PCSK6: variants seen among roughly 807,000 people sequenced by gnomAD.
PCSK6 encodes the protein proprotein convertase subtilisin/kexin type 6, also known as paired basic amino acid cleaving enzyme 4.
A neutral mutation model predicts 123.3 loss-of-function variants in PCSK6; 85 were observed. That is an observed-to-expected ratio of 0.69 (90% confidence interval 0.58 to 0.83). The LOEUF is 0.83. Ranked by LOEUF, PCSK6 falls within the 40% of genes least tolerant of loss-of-function variation. The pLI is 0.00. For synonymous variants in PCSK6, 508 were observed against 516.0 expected (o/e 0.98, Z 0.21); for missense variants, 1,191 against 1,282.3 (o/e 0.93, Z 1.09).
intron 13 of PCSK6, among the ~76,000 whole-genome samples, chr15:101,361,442 C>T (rs1232062308): frequency 2.0e-5 from 3 of 152,096 alleles, no homozygotes; most frequent in Non-Finnish European, 4.4e-5. Context: ...GTGGGTAGGA[C>T]ATCCACCACA....
intron 1 of PCSK6, among the ~76,000 whole-genome samples, chr15:101,462,104 A>T (rs1163157589): frequency 1.3e-5 from 2 of 152,238 alleles, no homozygotes; most frequent in African/African-American, 4.8e-5. Flanking sequence ...TACATAAAAA[A>T]TAGACAAATT....
rs757828585 is a variant in PCSK6, at chr15:101,393,392, C to A, written c.1029G>T (p.Trp343Cys). 1.9e-6 allele frequency: 3 copies of A among 1,602,624 alleles called. No homozygotes were observed. In the African/African-American group the frequency reaches 4.0e-5, roughly 22 times the overall value. Residue 343 changes from tryptophan (W) to cysteine (C), a missense_variant, in exon 8 of 22, where the codon TGG becomes TGT. This residue lies in a region of PCSK6 where 357 missense variants were observed against 484.5 expected (regional missense o/e 0.74). Transcript: ENST00000611716. ...GRQGLGSIFV[W>C]ASGNGGREGD... ...CCTCTCTCCCGCCATTCCCAGATGC[C>A]CAGACGAAAATGGAGCCCAGGCCCT...
At chr15:101,357,196 T>C (rs1245053161) in intron 13 of PCSK6, among the ~76,000 whole-genome samples, 1 of 152,212 alleles carries the variant, frequency 6.6e-6, no homozygotes, top group Admixed American at 6.5e-5. Flanking sequence ...AAGTGAGGAC[T>C]GCCTGCTTTT....
At chr15:101,480,980 T>C (rs910077357) in intron 1 of PCSK6, among the ~76,000 whole-genome samples, 3 of 152,202 alleles carry the variant, frequency 2.0e-5, no homozygotes, top group African/African-American at 7.2e-5. Flanking sequence ...CTTAAGACTC[T>C]TGCAAGGCAG....
intron 6 of PCSK6, among the ~76,000 whole-genome samples, chr15:101,424,843 T>A (rs1017215820): frequency 6.6e-6 from 1 of 152,224 alleles, no homozygotes; most frequent in African/African-American, 2.4e-5. Context: ...ATATGCATGA[T>A]AACAGGGATA....
intron 9 of PCSK6, among the ~76,000 whole-genome samples, chr15:101,389,202 T>C (rs1435315507): frequency 6.6e-6 from 1 of 152,192 alleles, no homozygotes; most frequent in East Asian, 1.9e-4. Context: ...TTCTGTTGTT[T>C]GAGCTGCCCA....
chr15:101,450,394 C>A (rs999254589), intron 1 of PCSK6, among the ~76,000 whole-genome samples: 2 of 152,176 alleles, frequency 1.3e-5, no homozygotes, highest in African/African-American at 2.4e-5. Context: ...CCCCTCAACT[C>A]CTACTCTGCT....
intron 1 of PCSK6, among the ~76,000 whole-genome samples, chr15:101,485,420 A>C (rs1296179854): frequency 1.3e-5 from 2 of 152,136 alleles, no homozygotes; most frequent in Non-Finnish European, 2.9e-5. Context: ...TTTACATAGA[A>C]TTTTTATCTT....
chr15:101,373,349 T>C (rs890887422), intron 11 of PCSK6, among the ~76,000 whole-genome samples: 1 of 152,216 alleles, frequency 6.6e-6, no homozygotes, highest in African/African-American at 2.4e-5. Context: ...CAAGGCTAAC[T>C]GTAACAATTA....
At chr15:101,378,213 T>A (rs2041808198) in intron 11 of PCSK6, among the ~76,000 whole-genome samples, 1 of 152,248 alleles carries the variant, frequency 6.6e-6, no homozygotes. Flanking sequence ...TAAAATCATT[T>A]TGCACAGGCA....
intron 1 of PCSK6, among the ~76,000 whole-genome samples, chr15:101,458,643 G>A (rs1023698655): frequency 6.6e-6 from 1 of 152,076 alleles, no homozygotes; most frequent in Non-Finnish European, 1.5e-5. Flanking sequence ...GCGACTGACG[G>A]TCCCAAAGGC....
intron 15 of PCSK6, among the ~76,000 whole-genome samples, chr15:101,329,871 GC>G (rs1454394120): frequency 6.6e-6 from 1 of 152,148 alleles, no homozygotes; most frequent in African/African-American, 2.4e-5. Context: ...CCTGCCTCCT[GC>G]CCCCATCCTC....
intron 6 of PCSK6, among the ~76,000 whole-genome samples, chr15:101,409,185 C>T (rs998602593): frequency 3.9e-5 from 6 of 152,172 alleles, no homozygotes; most frequent in Admixed American, 6.5e-5. Flanking sequence ...AGGCTGAGCG[C>T]GGGGGCTCAT....
intron 13 of PCSK6, among the ~76,000 whole-genome samples, chr15:101,362,163 G>A (rs2005063): frequency 0.74 from 112,758 of 151,846 alleles, 42,004 homozygotes; most frequent in African/African-American, 0.79. Flanking sequence ...TCACCATGTT[G>A]GCCAGGATGG....
intron 13 of PCSK6, chr15:101,347,804 C>G: frequency 6.3e-7 from 1 of 1,586,794 alleles, no homozygotes; most frequent in South Asian, 1.1e-5. Context: ...TGAAGTGAAG[C>G]CCATGGGCTG....
At chr15:101,376,239 C>T (rs750461766) in intron 11 of PCSK6, among the ~76,000 whole-genome samples, 9 of 152,080 alleles carry the variant, frequency 5.9e-5, no homozygotes, top group Non-Finnish European at 1.3e-4. Flanking sequence ...ACTGTAGGTG[C>T]AAACCACCAT....
intron 18 of PCSK6, 66 bp from the exon 19 acceptor site, chr15:101,318,488 G>T (rs1207159418): frequency 3.8e-6 from 5 of 1,300,022 alleles, no homozygotes; most frequent in Non-Finnish European, 5.4e-6. Flanking sequence ...TTGCCCTCTA[G>T]CACCTTTCCC....
chr15:101,431,213 T>C (rs2056435112), intron 4 of PCSK6, 107 bp downstream of exon 4: 1 of 1,162,484 alleles, frequency 8.6e-7, no homozygotes, highest in African/African-American at 1.5e-5. Context: ...CTGCCTAACT[T>C]AATGGGGGCT....
intron 10 of PCSK6, among the ~76,000 whole-genome samples, chr15:101,383,214 C>G (rs547915043): frequency 2.3e-4 from 35 of 152,122 alleles, no homozygotes; most frequent in African/African-American, 8.0e-4. Flanking sequence ...CGAGACCAGC[C>G]TGGGCAACAC....
Sources: allele counts gnomAD v4.1 joint callset (sites outside exome capture counted in the v4.1 genomes callset), GRCh38; gene constraint gnomAD v4.1.1; regional missense constraint gnomAD v4.1.1; transcripts MANE v1.5; gene names NCBI Gene and HGNC (gene_info 2026-07-23, HGNC 2026-07-21).